The following EPHA5 variants were observed in gnomAD, a reference collection of about 807,000 sequenced individuals.
The protein encoded by EPHA5 is EPH receptor A5, also known as ephrin type-A receptor 5.
Under a neutral mutation model 105.0 loss-of-function variants are expected in EPHA5, and 60 were observed. The ratio of observed to expected loss-of-function variants is 0.57; its 90% CI spans 0.46 to 0.71. The LOEUF (loss-of-function observed/expected upper bound fraction) is 0.71, where lower values mean the gene tolerates loss of function less well. EPHA5 is among the 30% of genes least tolerant of loss of function. EPHA5 has a pLI of 0.00. For missense variants in EPHA5, 1,218 were observed against 1,274.7 expected, an observed-to-expected ratio of 0.96 and a Z score of 0.68; for synonymous variants, 513 against 449.1, an observed-to-expected ratio of 1.14 and a Z score of -1.80.
At chr4:65,507,343 A>G (rs904660447) in intron 3 of EPHA5, among the ~76,000 whole-genome samples, 1 of 152,064 alleles carries the variant, frequency 6.6e-6, no homozygotes, top group Non-Finnish European at 1.5e-5. Context: ...TTGTCTTGGC[A>G]ATGCAGGCTC....
chr4:65,509,888 A>G (rs1425327021), intron 3 of EPHA5, among the ~76,000 whole-genome samples: 2 of 152,138 alleles, frequency 1.3e-5, no homozygotes, highest in East Asian at 1.9e-4. Context: ...CAATATGCCT[A>G]AATTCTTAAA....
rs566414685 is a variant in EPHA5 at position 65,457,621 on chromosome 4, T to G, written c.1402+32756A>C. On this transcript the variant is annotated intron_variant, in intron 5 of 16. Coordinates refer to ENST00000613740, the MANE Select transcript of EPHA5 (RefSeq NM_001281766.3). ...TAAATACTTTTTCTATATATATAAT[T>G]ATTTCTATACATATTATCTTTTTCT... Among the ~76,000 whole-genome samples, 279 of 151,902 alleles carry G rather than the reference T, an allele frequency of 1.8e-3. 1 individual carries two copies. The highest frequency in any genetic ancestry group is 6.8e-3 in the Middle Eastern group (2 of 294).
At chr4:65,439,515 G>A (rs1041214336) in intron 5 of EPHA5, among the ~76,000 whole-genome samples, 3 of 141,188 alleles carry the variant, frequency 2.1e-5, no homozygotes, top group African/African-American at 8.0e-5. Context: ...TATAGTCCAA[G>A]AGTTCATATC....
In EPHA5 at chr4:65,365,918, A is replaced by G. The variant is rs1280591336; in HGVS notation, c.1987+14T>C. On this transcript the variant is annotated intron_variant, in intron 10 of 16. Coordinates refer to ENST00000613740, the MANE Select transcript of EPHA5 (RefSeq NM_001281766.3). ...AACAAAAGTTAAAAATGAAAGTCAAACACATTGTCGTACCTGCTCCAATAA... is the reference window on the plus strand; with the variant it reads ...AACAAAAGTTAAAAATGAAAGTCAAGCACATTGTCGTACCTGCTCCAATAA... The G allele has an allele frequency of 1.3e-6, 2 of 1,595,628 alleles. No individual in the cohort carries two copies. Among genetic ancestry groups the G allele is most frequent in the Non-Finnish European group, 1.7e-6 (2 of 1,166,616 alleles).
At chr4:65,353,129 C>A (rs2148860895) in intron 11 of EPHA5, 26 bp from the exon 12 acceptor site, 2 of 1,451,208 alleles carry the variant, frequency 1.4e-6, no homozygotes, top group South Asian at 1.6e-5. Flanking sequence ...AGTGATATAA[C>A]CTGCTGCTCT....
Position 65,554,981 on chromosome 4 carries a change from C to CAAAAAAAA in EPHA5, c.910+46652_910+46659dup, listed in dbSNP as rs71205383. Among the ~76,000 whole-genome samples, 121 of 92,552 alleles carry CAAAAAAAA rather than the reference C, an allele frequency of 1.3e-3. 5 individuals are homozygous for CAAAAAAAA. The highest frequency in any genetic ancestry group is 1.6e-3 in the Non-Finnish European group (77 of 47,158). The allele number at this position is 92,552 out of a possible 152,430, so 60.7% of individuals were successfully genotyped here. On this transcript the variant is annotated intron_variant, in intron 3 of 16. Coordinates refer to ENST00000613740, the MANE Select transcript of EPHA5 (RefSeq NM_001281766.3). ...TTATCACTTCACCCCTATACAACAG[C>CAAAAAAAA]AAAAAAAAAAAAAAAAAAAAAAAAA...
At chr4:65,341,980 C>T (rs1181812135) in intron 14 of EPHA5, among the ~76,000 whole-genome samples, 1 of 151,972 alleles carries the variant, frequency 6.6e-6, no homozygotes, top group East Asian at 1.9e-4. Flanking sequence ...CGTTTTTATT[C>T]TAAGATAGTT....
At chr4:65,503,922 CACACA>C (rs1732745653) in intron 3 of EPHA5, among the ~76,000 whole-genome samples, 3 of 151,014 alleles carry the variant, frequency 2.0e-5, no homozygotes, top group African/African-American at 7.3e-5. Context: ...CACACACACA[CACACA>C]CACACACACA....
intron 3 of EPHA5, among the ~76,000 whole-genome samples, chr4:65,560,303 A>G (rs1411284949): frequency 6.6e-6 from 1 of 152,144 alleles, no homozygotes. Context: ...GTCTATAGCT[A>G]GTTTTCTATA....
intron 8 of EPHA5, among the ~76,000 whole-genome samples, chr4:65,375,032 A>G (rs545184038): frequency 2.6e-5 from 4 of 152,028 alleles, no homozygotes; most frequent in Non-Finnish European, 5.9e-5. Context: ...ATTTGTAGTA[A>G]TTTGAAATTA....
intron 8 of EPHA5, among the ~76,000 whole-genome samples, chr4:65,389,555 C>T (rs943820576): frequency 2.6e-5 from 4 of 151,940 alleles, no homozygotes; most frequent in Admixed American, 6.6e-5. Flanking sequence ...AGCTACATGA[C>T]TTCAATTGAA....
chr4:65,581,622 A>G (rs1326219743), intron 3 of EPHA5, among the ~76,000 whole-genome samples: 2 of 151,786 alleles, frequency 1.3e-5, no homozygotes, highest in Non-Finnish European at 3.0e-5. Context: ...GAATCTTAAA[A>G]TATACCAGCC....
intron 12 of EPHA5, 102 bp downstream of exon 12, chr4:65,352,940 A>T (rs1402770808): frequency 3.1e-6 from 2 of 654,738 alleles, no homozygotes; most frequent in Admixed American, 6.3e-5. Context: ...TAAGCTTTAA[A>T]GTGGCCCAAA....
At chr4:65,554,142 C>A in intron 3 of EPHA5, among the ~76,000 whole-genome samples, 1 of 150,054 alleles carries the variant, frequency 6.7e-6, no homozygotes. Context: ...TTGAAGAGTC[C>A]AAGCAAGTAA....
chr4:65,626,085 A>C (rs1194416675), intron 2 of EPHA5, among the ~76,000 whole-genome samples: 1 of 140,324 alleles, frequency 7.1e-6, no homozygotes, highest in Non-Finnish European at 1.5e-5. Context: ...TGGGTGACAG[A>C]GCGACACTCC....
At chr4:65,351,808 T>G (rs1440799799) in intron 12 of EPHA5, among the ~76,000 whole-genome samples, 1 of 152,026 alleles carries the variant, frequency 6.6e-6, no homozygotes, top group African/African-American at 2.4e-5. Flanking sequence ...AGATAAAGGT[T>G]TTGAAAACCC....
At chr4:65,324,742 C>CTTTTT (rs368440921) in intron 16 of EPHA5, among the ~76,000 whole-genome samples, 1 of 131,346 alleles carries the variant, frequency 7.6e-6, no homozygotes, top group Non-Finnish European at 1.6e-5. Context: ...CAATGTTTTA[C>CTTTTT]TTTTTTTTTT....
intron 5 of EPHA5, among the ~76,000 whole-genome samples, chr4:65,485,669 C>A (rs976739537): frequency 6.6e-6 from 1 of 152,256 alleles, no homozygotes; most frequent in Middle Eastern, 3.4e-3. Context: ...CTTGAACACA[C>A]CTATTTTTCC....
chr4:65,609,890 A>AT (rs1744605105), intron 2 of EPHA5, among the ~76,000 whole-genome samples: 1 of 152,150 alleles, frequency 6.6e-6, no homozygotes, highest in Admixed American at 6.6e-5. Flanking sequence ...AAGCATATAT[A>AT]TAGACTGATT....
Sources: gnomAD v4.1 joint callset for allele counts (sites outside exome capture counted in the v4.1 genomes callset) on GRCh38, gnomAD v4.1.1 for gene constraint, MANE v1.5 for transcripts, NCBI Gene and HGNC (gene_info 2026-07-23, HGNC 2026-07-21) for gene names.